Variants in GRM8 observed in about 807,000 individuals in gnomAD.
The protein encoded by GRM8 is metabotropic glutamate receptor 8.
In GRM8, 47 loss-of-function variants were observed where a neutral mutation model predicts 87.2. That is an observed-to-expected ratio of 0.54 (90% CI 0.43 to 0.69). The LOEUF is 0.69. GRM8 is among the 30% of genes least tolerant of loss of function. The pLI is 0.00. For synonymous variants in GRM8, 396 were observed against 404.5 expected (o/e 0.98, Z 0.25); for missense variants, 1,019 against 1,139.2 (o/e 0.89, Z 1.52).
intron 7 of GRM8, among the ~76,000 whole-genome samples, chr7:126,629,513 A>G (rs942714314): frequency 3.3e-5 from 5 of 152,162 alleles, no homozygotes; most frequent in Non-Finnish European, 7.4e-5. Flanking sequence ...TGCATTTAAC[A>G]ATTAATATTT....
intron 2 of GRM8, among the ~76,000 whole-genome samples, chr7:127,235,036 G>A (rs1797903497): frequency 1.3e-5 from 2 of 152,162 alleles, no homozygotes; most frequent in Admixed American, 1.3e-4. Context: ...CATAGACCCT[G>A]ACTTATTCTA....
At chr7:126,524,627 G>A (rs374490583) in intron 9 of GRM8, among the ~76,000 whole-genome samples, 1 of 151,982 alleles carries the variant, frequency 6.6e-6, no homozygotes, top group South Asian at 2.1e-4. Flanking sequence ...CTTCTAGGAT[G>A]TTTATTAGAT....
At chr7:126,585,678 T>C (rs1796042693) in intron 8 of GRM8, among the ~76,000 whole-genome samples, 1 of 152,116 alleles carries the variant, frequency 6.6e-6, no homozygotes, top group Non-Finnish European at 1.5e-5. Flanking sequence ...ATGGGACGTA[T>C]CTCAAAATAA....
chr7:127,102,420 T>C (rs1392841170), intron 3 of GRM8, among the ~76,000 whole-genome samples: 2 of 152,160 alleles, frequency 1.3e-5, no homozygotes, highest in Admixed American at 1.3e-4. Context: ...AAGACCTCCA[T>C]AGCTGTCCCT....
chr7:126,798,638 C>T (rs941682541), intron 6 of GRM8, among the ~76,000 whole-genome samples: 6 of 152,102 alleles, frequency 3.9e-5, no homozygotes, highest in Admixed American at 6.5e-5. Flanking sequence ...TGCCTAGTAG[C>T]GGGCCTTTGT....
At position 126,904,103 on chromosome 7, in the gene GRM8, T is replaced by A; in HGVS notation, c.887A>T (p.Lys296Ile). Residue 296 changes from lysine to isoleucine, a missense_variant, in exon 5 of 11, where the codon AAA becomes ATA. Coordinates refer to ENST00000339582, the MANE Select transcript of GRM8 (RefSeq NM_000845.3). ...GAGAAAATGCCCACTTTGGTTTAGT[T>A]TTTTTGCTGCTTCCAATATCCTCCT... The part of the protein sequence containing the change: ...DIRRILEAAK[K>I]LNQSGHFLWI... 1 of 1,611,682 alleles carries A rather than the reference T, an allele frequency of 6.2e-7. No homozygotes were observed. The highest frequency in any genetic ancestry group is 8.5e-7 in the Non-Finnish European group (1 of 1,178,512).
chr7:126,678,223 C>G (rs1164659579), intron 7 of GRM8, among the ~76,000 whole-genome samples: 3 of 152,076 alleles, frequency 2.0e-5, no homozygotes, highest in African/African-American at 4.8e-5. Context: ...TTACGCAGAT[C>G]TAAAAAAAGA....
chr7:126,614,451 A>G (rs1481015893), intron 7 of GRM8, among the ~76,000 whole-genome samples: 1 of 152,190 alleles, frequency 6.6e-6, no homozygotes, highest in Non-Finnish European at 1.5e-5. Context: ...AAAGCTGAAA[A>G]TTCTAAAAAT....
chr7:126,616,259 C>G (rs1204210659), intron 7 of GRM8, among the ~76,000 whole-genome samples: 1 of 152,160 alleles, frequency 6.6e-6, no homozygotes, highest in African/African-American at 2.4e-5. Flanking sequence ...ACTGAACAAC[C>G]TGCTCCTGAA....
chr7:126,863,695 C>A (rs976546121), intron 6 of GRM8, among the ~76,000 whole-genome samples: 1 of 152,064 alleles, frequency 6.6e-6, no homozygotes, highest in African/African-American at 2.4e-5. Context: ...TTATTGAAGT[C>A]TTCTATATTT....
chr7:126,993,742 A>G (rs915882081), intron 3 of GRM8, among the ~76,000 whole-genome samples: 1 of 152,200 alleles, frequency 6.6e-6, no homozygotes. Flanking sequence ...GGAAAGCAAA[A>G]GCGTGATGAA....
chr7:126,816,999 A>G (rs546374692), intron 6 of GRM8, among the ~76,000 whole-genome samples: 36 of 152,212 alleles, frequency 2.4e-4, no homozygotes, highest in African/African-American at 7.2e-4. Flanking sequence ...CTTATGAAAT[A>G]TAACCACATT....
chr7:126,496,369 A>G (rs1048582726), intron 9 of GRM8, among the ~76,000 whole-genome samples: 4 of 151,990 alleles, frequency 2.6e-5, no homozygotes, highest in Non-Finnish European at 4.4e-5. Flanking sequence ...CTTAAGTGAC[A>G]TTTCACACAT....
intron 7 of GRM8, among the ~76,000 whole-genome samples, chr7:126,763,205 T>C (rs1817781069): frequency 6.6e-6 from 1 of 151,632 alleles, no homozygotes; most frequent in Admixed American, 6.6e-5. Flanking sequence ...AACATGGCAT[T>C]TTTTAAAATA....
chr7:127,183,241 T>C (rs982732621), intron 2 of GRM8, among the ~76,000 whole-genome samples: 1 of 151,876 alleles, frequency 6.6e-6, no homozygotes, highest in Non-Finnish European at 1.5e-5. Flanking sequence ...ATCCTTAACA[T>C]GTATGCACAT....
intron 7 of GRM8, among the ~76,000 whole-genome samples, chr7:126,761,319 A>C (rs1817572610): frequency 6.6e-6 from 1 of 152,174 alleles, no homozygotes; most frequent in African/African-American, 2.4e-5. Flanking sequence ...AAACAGTTAT[A>C]AAGAGAGATC....
intron 6 of GRM8, among the ~76,000 whole-genome samples, chr7:126,827,989 G>A (rs1350082818): frequency 6.6e-6 from 1 of 152,090 alleles, no homozygotes; most frequent in Non-Finnish European, 1.5e-5. Context: ...TTTGTTTTTG[G>A]TTCTGTTTAT....
rs558887555 is a variant in GRM8 at position 127,131,034 on chromosome 7, T to C, written c.511-24322A>G. On this transcript the variant is annotated intron_variant, in intron 2 of 10. Coordinates refer to ENST00000339582, the MANE Select transcript of GRM8 (RefSeq NM_000845.3). ...AAAAGGTTTTTGTTTGGGAGCAGAATTACAAGAGTTCTTAATTGTCTGAGC... is the reference window on the plus strand; with the variant it reads ...AAAAGGTTTTTGTTTGGGAGCAGAACTACAAGAGTTCTTAATTGTCTGAGC... Among the ~76,000 whole-genome samples the C allele has an allele frequency of 2.6e-5, 4 of 152,294 alleles. No individual in the cohort carries two copies. In the East Asian group the frequency reaches 5.8e-4, roughly 22 times the overall value.
rs1336949743 is a variant in GRM8, at chr7:126,577,395, A to G, written c.1494+31967T>C. ...ATTTAGTAATCCAATACCAAATAGTAGATTATCACCCCAAAGGGCTACTCT... is the reference window on the plus strand; with the variant it reads ...ATTTAGTAATCCAATACCAAATAGTGGATTATCACCCCAAAGGGCTACTCT... On this transcript the variant is annotated intron_variant, in intron 8 of 10. Coordinates refer to ENST00000339582, the MANE Select transcript of GRM8 (RefSeq NM_000845.3). Among the ~76,000 whole-genome samples, 5 of 152,212 alleles carry G rather than the reference A, an allele frequency of 3.3e-5. No individual in the cohort carries two copies. The East Asian group carries it at 9.6e-4, about 29-fold the overall frequency.
Sources: gnomAD v4.1 joint callset for allele counts (sites outside exome capture counted in the v4.1 genomes callset) on GRCh38, gnomAD v4.1.1 for gene constraint, MANE v1.5 for transcripts, NCBI Gene and HGNC (gene_info 2026-07-23, HGNC 2026-07-21) for gene names.